Variants in CYB561A3 observed in about 807,000 individuals in gnomAD.
The protein encoded by CYB561A3 is cytochrome b561 family member A3.
CYB561A3 carries 16 observed loss-of-function variants against 25.3 expected under a neutral mutation model. The observed-to-expected ratio is 0.63, with a 90% CI of 0.43 to 0.96. The LOEUF is 0.96. CYB561A3 is among the 40% of genes least tolerant of loss of function. CYB561A3 has a pLI of 0.00. For missense variants in CYB561A3, 219 were observed against 307.5 expected (o/e 0.71, Z 2.15); for synonymous variants, 131 against 129.9 (o/e 1.01, Z -0.06).
chr11:61,353,768 A>T lies in CYB561A3; in HGVS notation c.393+16T>A, dbSNP rs763934103. ...TGGCTCTGGGAACCTCGAGGAGGAG[A>T]ACAGAGAGAACCCACCTGGCAGGCG... On this transcript the variant is annotated intron_variant, in intron 4 of 6. Transcript: ENST00000294072. 5 of 1,613,848 alleles carry T rather than the reference A, an allele frequency of 3.1e-6. No individual in the cohort carries two copies. The highest frequency in any genetic ancestry group is 3.4e-6 in the Non-Finnish European group (4 of 1,179,950).
rs371064566 is a variant in CYB561A3, at chr11:61,356,523, TACTC to T, written c.184+3_184+6del. 534 of 1,612,812 alleles carry T rather than the reference TACTC, an allele frequency of 3.3e-4. 2 individuals are homozygous for T. The African/African-American group carries it at 5.2e-3, about 16-fold the overall frequency. ...TATCCCGCCTCCCTTCCTGACCTCTTACTCACCACCTCCATAGAATACCACCATG... is the reference window on the plus strand; with the variant it reads ...TATCCCGCCTCCCTTCCTGACCTCTTACCACCTCCATAGAATACCACCATG... On this transcript the variant is annotated splice_donor_5th_base_variant and intron_variant, in intron 3 of 6. Coordinates refer to ENST00000294072, the MANE Select transcript of CYB561A3 (RefSeq NM_153611.6).
At chr11:61,357,648 G>T (rs772032536) in intron 2 of CYB561A3, 85 bp downstream of exon 2, 2 of 173,686 alleles carry the variant, frequency 1.2e-5, no homozygotes, top group African/African-American at 2.4e-5. Flanking sequence ...GAAGGCAACA[G>T]TGTGGCTTCC....
intron 1 of CYB561A3, chr11:61,358,145 G>C (rs58246913): frequency 6.6e-6 from 1 of 152,398 alleles, no homozygotes; most frequent in East Asian, 1.9e-4. Flanking sequence ...CGCTGGGCGC[G>C]ATGGCTTATG....
chr11:61,355,820 T>C (rs1156618180), intron 3 of CYB561A3, among the ~76,000 whole-genome samples: 1 of 152,140 alleles, frequency 6.6e-6, no homozygotes, highest in Non-Finnish European at 1.5e-5. Flanking sequence ...TCGGGCATGA[T>C]GGCTCAAGCC....
intron 3 of CYB561A3, chr11:61,356,181 G>A (rs898599715): frequency 1.4e-5 from 3 of 210,134 alleles, no homozygotes; most frequent in Non-Finnish European, 2.8e-5. Flanking sequence ...ATTGGAACAC[G>A]TGATCCACAC....
At chr11:61,362,009 C>G (rs1212510211), upstream of CYB561A3, 1 of 152,588 alleles carries the variant, frequency 6.6e-6, no homozygotes, top group Non-Finnish European at 1.5e-5. Context: ...CTGCTAACCC[C>G]CTAACTCCCG....
intron 1 of CYB561A3, chr11:61,361,048 A>G (rs796295491): frequency 2.0e-5 from 3 of 152,316 alleles, no homozygotes; most frequent in African/African-American, 7.2e-5. Context: ...TTTATAATTT[A>G]GAACTACAAA....
In CYB561A3 at chr11:61,349,525, CTG is replaced by C; in HGVS notation, c.*872_*873del. On this transcript the variant is annotated 3_prime_UTR_variant, in exon 7 of 7. Coordinates refer to ENST00000294072, the MANE Select transcript of CYB561A3 (RefSeq NM_153611.6). ...CTGTTACTCATCGCTACTGGGACATCTGGGGACAGGCTCTGTTCTTGGGAGAG... is the reference window on the plus strand; with the variant it reads ...CTGTTACTCATCGCTACTGGGACATCGGGACAGGCTCTGTTCTTGGGAGAG... The C allele has an allele frequency of 1.4e-6, 1 of 702,866 alleles. No homozygotes were observed. Among genetic ancestry groups the C allele is most frequent in the Non-Finnish European group, 2.6e-6 (1 of 384,908 alleles). The allele number at this position is 702,866 out of a possible 1,614,324, so 43.5% of individuals were successfully genotyped here. A position where few individuals can be genotyped will look rare whatever the true frequency, so the allele number is the denominator to read the frequency against.
intron 6 of CYB561A3, 122 bp downstream of exon 6, chr11:61,350,869 G>A (rs1398658381): frequency 2.8e-6 from 4 of 1,406,394 alleles, no homozygotes; most frequent in Non-Finnish European, 3.8e-6. Flanking sequence ...CCACCCTCAA[G>A]TTACTTGGTT....
intron 3 of CYB561A3, 124 bp downstream of exon 3, chr11:61,356,406 G>A (rs1857655044): frequency 3.1e-6 from 2 of 645,184 alleles, no homozygotes; most frequent in Non-Finnish European, 4.7e-6. Context: ...CCCAGAGACA[G>A]CCCAACCCAC....
At chr11:61,356,322 C>G (rs1857651398) in intron 3 of CYB561A3, 1 of 664,484 alleles carries the variant, frequency 1.5e-6, no homozygotes, top group South Asian at 2.2e-5. Context: ...AACTCCTGCC[C>G]TAGAGTATTT....
At chr11:61,356,974 G>T in intron 2 of CYB561A3, 1 of 1,461,336 alleles carries the variant, frequency 6.8e-7, no homozygotes, top group Non-Finnish European at 9.0e-7. Context: ...GCAAACTCAA[G>T]GCTATGGCTG....
Position 61,350,161 on chromosome 11 carries a change from C to G in CYB561A3, c.*238G>C. ...ACCCAGGCAAAGCCACCAAGGAAAGCAGACAGGCAGCAAGCGGCCGGAGAG... is the reference window on the plus strand; with the variant it reads ...ACCCAGGCAAAGCCACCAAGGAAAGGAGACAGGCAGCAAGCGGCCGGAGAG... On this transcript the variant is annotated 3_prime_UTR_variant, in exon 7 of 7. Coordinates refer to ENST00000294072, the MANE Select transcript of CYB561A3 (RefSeq NM_153611.6). The G allele has an allele frequency of 1.7e-6, 1 of 595,908 alleles. No homozygotes were observed. Among genetic ancestry groups the G allele is most frequent in the East Asian group, 2.8e-5 (1 of 35,664 alleles). 36.9% of individuals were successfully genotyped at this position (595,908 alleles called of 1,614,324 possible). A position where few individuals can be genotyped will look rare whatever the true frequency, so the allele number is the denominator to read the frequency against.
At chr11:61,358,947 G>GA (rs1315841026) in intron 1 of CYB561A3, 1 of 152,242 alleles carries the variant, frequency 6.6e-6, no homozygotes, top group Non-Finnish European at 1.5e-5. Flanking sequence ...GGTCCAGCCA[G>GA]GCTCGGTGGC....
intron 5 of CYB561A3, 111 bp from the exon 6 acceptor site, chr11:61,351,258 T>C (rs1187526550): frequency 3.3e-6 from 4 of 1,210,006 alleles, no homozygotes; most frequent in Non-Finnish European, 4.4e-6. Context: ...CGGGTCCATA[T>C]GTGATCTAGA....
rs1857285227 is a variant in CYB561A3, at chr11:61,349,266, T to G, written c.*1133A>C. ...CTAGGTTGGGCCAGGCAAGCAGCCA[T>G]GGTGGGGCCAGGTGAAGCAATGTGG... On this transcript the variant is annotated 3_prime_UTR_variant, in exon 7 of 7. Transcript: ENST00000294072. 3 of 416,832 alleles carry G rather than the reference T, an allele frequency of 7.2e-6. No individual in the cohort carries two copies. The South Asian group carries it at 7.3e-5, about 10-fold the overall frequency. The allele number at this position is 416,832 out of a possible 1,614,324, so 25.8% of individuals were successfully genotyped here.
At chr11:61,356,494 G>T in intron 3 of CYB561A3, 36 bp downstream of exon 3, 1 of 1,604,738 alleles carries the variant, frequency 6.2e-7, no homozygotes, top group Middle Eastern at 1.8e-4. Context: ...TCCAGCCTGA[G>T]CCCTATCCCG....
Position 61,350,285 on chromosome 11 carries a change from G to A in CYB561A3, c.*114C>T. On this transcript the variant is annotated 3_prime_UTR_variant, in exon 7 of 7. Coordinates refer to ENST00000294072, the MANE Select transcript of CYB561A3 (RefSeq NM_153611.6). ...CACCCAGGCAAGAAGTCTGGGCCCA[G>A]CATTGGAAGAAAGTCGCCTGCTGAA... 7.3e-7 allele frequency: 1 copy of A among 1,373,114 alleles called. No homozygotes were observed. The highest frequency in any genetic ancestry group is 1.3e-5 in the South Asian group (1 of 76,108). The allele number at this position is 1,373,114 out of a possible 1,614,324, so 85.1% of individuals were successfully genotyped here.
intron 3 of CYB561A3, among the ~76,000 whole-genome samples, chr11:61,355,184 ACT>A (rs1857601781): frequency 6.6e-6 from 1 of 151,824 alleles, no homozygotes; most frequent in South Asian, 2.1e-4. Flanking sequence ...CTCCTGTCTA[ACT>A]CTCAATTTCC....
Sources: gnomAD v4.1 joint callset for allele counts (sites outside exome capture counted in the v4.1 genomes callset) on GRCh38, gnomAD v4.1.1 for gene constraint, MANE v1.5 for transcripts, NCBI Gene and HGNC (gene_info 2026-07-23, HGNC 2026-07-21) for gene names.